RFX2: variants seen among roughly 807,000 people sequenced by gnomAD.
RFX2 encodes DNA-binding protein RFX2.
A neutral mutation model predicts 87.8 loss-of-function variants in RFX2; 20 were observed. The ratio of observed to expected loss-of-function variants is 0.23; its 90% CI spans 0.16 to 0.33. The LOEUF (loss-of-function observed/expected upper bound fraction) is 0.33, where lower values mean the gene tolerates loss of function less well. Among genes scored for constraint, RFX2 ranks in the 10% least tolerant of loss-of-function variants. The pLI, the probability that RFX2 is intolerant of heterozygous loss-of-function variation, is 1.00. For missense variants in RFX2, 767 were observed against 1,012.3 expected, an observed-to-expected ratio of 0.76 and a Z score of 3.29; for synonymous variants, 397 against 431.3, an observed-to-expected ratio of 0.92 and a Z score of 0.98.
At chr19:5,995,172 C>T (rs2086388372) in intron 17 of RFX2, among the ~76,000 whole-genome samples, 2 of 152,212 alleles carry the variant, frequency 1.3e-5, no homozygotes, top group South Asian at 4.1e-4. Context: ...AGAGCCTCTG[C>T]CCTGTGCCTC....
chr19:6,002,613 A>G lies in RFX2; in HGVS notation c.1650+108T>C. On this transcript the variant is annotated intron_variant, in intron 14 of 17. Transcript: ENST00000303657. The surrounding 1 kb of genome is among the most constrained non-coding windows in gnomAD (Gnocchi z 6.7). ...CGTGTCATGCAACAGAACCGTGGCC[A>G]GGCTCGGGGCAGGGGCCAGGTTGTG... is the stretch of plus-strand genomic sequence containing the variant. 2.2e-6 allele frequency: 3 copies of G among 1,389,064 alleles called. No individual in the cohort carries two copies. Among genetic ancestry groups the G allele is most frequent in the Non-Finnish European group, 2.0e-6 (2 of 1,002,402 alleles). The allele number at this position is 1,389,064 out of a possible 1,614,324, so 86.0% of individuals were successfully genotyped here. A position where few individuals can be genotyped will look rare whatever the true frequency, so the allele number is the denominator to read the frequency against.
rs547013564 is a variant in RFX2 at position 5,995,315 on chromosome 19, G to A, written c.2056+286C>T. ...TGCCTGTCCCACTCTCCTGCTGGGC[G>A]TGGGCGCAGGAGACCAGGGGCTGCC... On this transcript the variant is annotated intron_variant, in intron 17 of 17. Coordinates refer to ENST00000303657, the MANE Select transcript of RFX2 (RefSeq NM_000635.4). 5.9e-5 allele frequency among the ~76,000 whole-genome samples: 9 copies of A among 152,294 alleles called. No individual in the cohort carries two copies. In the East Asian group the frequency reaches 1.4e-3, roughly 23 times the overall value.
intron 13 of RFX2, among the ~76,000 whole-genome samples, chr19:6,003,382 C>T (rs897934177): frequency 4.6e-5 from 7 of 151,426 alleles, no homozygotes; most frequent in East Asian, 4.0e-4. Flanking sequence ...GACTTTTTAA[C>T]AATGACCTGA....
At position 6,047,418 on chromosome 19, in the gene RFX2, C is replaced by A; in HGVS notation, c.79G>T (p.Ala27Ser). Residue 27 changes from alanine to serine, a missense_variant, in exon 2 of 18, where the codon GCC becomes TCC. Transcript: ENST00000303657. The surrounding 1 kb of genome is among the most constrained non-coding windows in gnomAD (Gnocchi z 4.2). ...RPSAAAPPVP[A>S]SPQRVLVQAA... Reference sequence around the variant, plus strand: ...GAGGCGCGCGTTACCTGCGGGGAGGCTGGCACAGGCGGGGCTGCCGCCGAG... The same window carrying A: ...GAGGCGCGCGTTACCTGCGGGGAGGATGGCACAGGCGGGGCTGCCGCCGAG... 1 of 1,607,804 alleles carries A rather than the reference C, an allele frequency of 6.2e-7. No individual in the cohort carries two copies. The highest frequency in any genetic ancestry group is 2.2e-5 in the East Asian group (1 of 44,650).
At chr19:6,015,932 G>T (rs2086720387) in intron 7 of RFX2, among the ~76,000 whole-genome samples, 158 bp downstream of exon 7, 4 of 152,274 alleles carry the variant, frequency 2.6e-5, no homozygotes, top group Admixed American at 2.6e-4. Context: ...CCTGGCCACA[G>T]CCAAGGCTGC....
At chr19:6,042,692 G>GGAAGGA (rs1418244846) in intron 3 of RFX2, among the ~76,000 whole-genome samples, 28 of 152,192 alleles carry the variant, frequency 1.8e-4, no homozygotes, top group African/African-American at 6.5e-4. Flanking sequence ...GAACAGAGTG[G>GGAAGGA]GAAGGAGCGG....
intron 1 of RFX2, among the ~76,000 whole-genome samples, chr19:6,105,061 T>C (rs2088192419): frequency 6.8e-6 from 1 of 147,132 alleles, no homozygotes; most frequent in Non-Finnish European, 1.5e-5. Context: ...GAGGTTGCAG[T>C]GAGCCGAGAT....
intron 1 of RFX2, among the ~76,000 whole-genome samples, chr19:6,103,616 T>C (rs1201307557): frequency 6.6e-6 from 1 of 152,198 alleles, no homozygotes; most frequent in Non-Finnish European, 1.5e-5. Flanking sequence ...ATCATAAATG[T>C]GATGTTTGGG....
At chr19:6,036,219 T>C (rs1400271542) in intron 5 of RFX2, among the ~76,000 whole-genome samples, 1 of 152,142 alleles carries the variant, frequency 6.6e-6, no homozygotes, top group Non-Finnish European at 1.5e-5. Context: ...GCGGGAGAAG[T>C]ATGTCTGGTC....
rs1335141445 is a variant in RFX2 at position 6,011,890 on chromosome 19, C to A, written c.899+1096G>T. ...CTCAGGGGGGGCACTTGTGGAGGCA[C>A]ACTGGGAGGCAGTGATATTTGAATG... On this transcript the variant is annotated intron_variant, in intron 8 of 17. Coordinates refer to ENST00000303657, the MANE Select transcript of RFX2 (RefSeq NM_000635.4). This position sits in a 1 kb window ranked among gnomAD's most constrained non-coding sequence, Gnocchi z 4.8. Among the ~76,000 whole-genome samples the A allele has an allele frequency of 6.6e-6, 1 of 152,240 alleles. No homozygotes were observed. Among genetic ancestry groups the A allele is most frequent in the African/African-American group, 2.4e-5 (1 of 41,472 alleles).
At chr19:6,015,701 A>G (rs531239311) in intron 7 of RFX2, among the ~76,000 whole-genome samples, 2 of 152,108 alleles carry the variant, frequency 1.3e-5, no homozygotes, top group South Asian at 2.1e-4. Flanking sequence ...AGGTCTTGCT[A>G]TGTTGCCCAG....
intron 1 of RFX2, among the ~76,000 whole-genome samples, chr19:6,099,657 AG>A (rs2088087130): frequency 6.6e-6 from 1 of 152,206 alleles, no homozygotes; most frequent in Non-Finnish European, 1.5e-5. Flanking sequence ...GAACTGTGGC[AG>A]GGGTAGCTGT....
At chr19:6,096,456 TTTTG>T (rs2088026356) in intron 1 of RFX2, among the ~76,000 whole-genome samples, 1 of 148,676 alleles carries the variant, frequency 6.7e-6, no homozygotes, top group African/African-American at 2.6e-5. Flanking sequence ...TTTTGTTTTG[TTTTG>T]TTTTGAGATG....
rs1292718185 is a variant in RFX2 at position 6,021,999 on chromosome 19, G to A, written c.597+4164C>T. ...ACCTGGTTCTGGATCTTTCTTGAAGGTGAGGTTGAAGAGCATCTGGGGGTG... is the reference window on the plus strand; with the variant it reads ...ACCTGGTTCTGGATCTTTCTTGAAGATGAGGTTGAAGAGCATCTGGGGGTG... On this transcript the variant is annotated intron_variant, in intron 6 of 17. Coordinates refer to ENST00000303657, the MANE Select transcript of RFX2 (RefSeq NM_000635.4). This position sits in a 1 kb window ranked among gnomAD's most constrained non-coding sequence, Gnocchi z 5.7. Among the ~76,000 whole-genome samples, 8 of 152,120 alleles carry A rather than the reference G, an allele frequency of 5.3e-5. No individual in the cohort carries two copies. Among genetic ancestry groups the A allele is most frequent in the African/African-American group, 1.9e-4 (8 of 41,418 alleles).
Position 6,004,124 on chromosome 19 carries a change from C to G in RFX2, c.1500+77G>C. The G allele has an allele frequency of 9.1e-7, 1 of 1,093,476 alleles. No homozygotes were observed. The highest frequency in any genetic ancestry group is 1.4e-6 in the Non-Finnish European group (1 of 706,882). 67.7% of individuals were successfully genotyped at this position (1,093,476 alleles called of 1,614,324 possible). A position where few individuals can be genotyped will look rare whatever the true frequency, so the allele number is the denominator to read the frequency against. On this transcript the variant is annotated intron_variant, in intron 13 of 17. Coordinates refer to ENST00000303657, the MANE Select transcript of RFX2 (RefSeq NM_000635.4). This position sits in a 1 kb window ranked among gnomAD's most constrained non-coding sequence, Gnocchi z 4.8. Reference sequence around the variant, plus strand: ...GAAGAAGCCAGCGCTCTCTGGGACACAGTGGTCCTCATGCTGTCCTGGACT... The same window carrying G: ...GAAGAAGCCAGCGCTCTCTGGGACAGAGTGGTCCTCATGCTGTCCTGGACT...
intron 1 of RFX2, among the ~76,000 whole-genome samples, chr19:6,085,287 G>A (rs1264857743): frequency 6.6e-6 from 1 of 152,148 alleles, no homozygotes; most frequent in Non-Finnish European, 1.5e-5. Flanking sequence ...ACATTTTTCT[G>A]TCTTTCTTCT....
Position 6,003,048 on chromosome 19 carries a change from T to C in RFX2, c.1501-178A>G, listed in dbSNP as rs931176434. Among the ~76,000 whole-genome samples, 7 of 152,064 alleles carry C rather than the reference T, an allele frequency of 4.6e-5. No individual in the cohort carries two copies. The East Asian group carries it at 7.7e-4, about 17-fold the overall frequency. ...TAAGGACCCAGTGTGTGAGAATCAG[T>C]GAAGAGGAGACCTCGCCGGCACATC... On this transcript the variant is annotated intron_variant, in intron 13 of 17. Transcript: ENST00000303657.
At chr19:6,057,537 T>C (rs1257519951) in intron 1 of RFX2, among the ~76,000 whole-genome samples, 1 of 152,188 alleles carries the variant, frequency 6.6e-6, no homozygotes, top group African/African-American at 2.4e-5. Context: ...CAATGTTTTG[T>C]CATCTTTGGT....
chr19:6,032,296 G>T (rs545896888), intron 5 of RFX2, among the ~76,000 whole-genome samples: 17 of 152,002 alleles, frequency 1.1e-4, no homozygotes, highest in South Asian at 6.2e-4. Context: ...TAATTTTTTT[G>T]TTGTTGTTGT....
Sources: allele counts gnomAD v4.1 joint callset (sites outside exome capture counted in the v4.1 genomes callset), GRCh38; gene constraint gnomAD v4.1.1; non-coding constraint Gnocchi (gnomAD v3.1); transcripts MANE v1.5; gene names NCBI Gene and HGNC (gene_info 2026-07-23, HGNC 2026-07-21).